KLHL32: variants seen among roughly 807,000 people sequenced by gnomAD.
KLHL32 encodes kelch-like protein 32.
Under a neutral mutation model 64.8 loss-of-function variants are expected in KLHL32, and 35 were observed. The ratio of observed to expected loss-of-function variants is 0.54; its 90% CI spans 0.41 to 0.72. The LOEUF is 0.72. Ranked by LOEUF, KLHL32 falls within the 30% of genes least tolerant of loss-of-function variation. The probability of loss-of-function intolerance (pLI) is 0.00; values close to 1 mark genes in which losing one functional copy is unlikely to be tolerated. For missense variants in KLHL32, 589 were observed against 768.5 expected, an observed-to-expected ratio of 0.77 and a Z score of 2.76; for synonymous variants, 259 against 281.0, an observed-to-expected ratio of 0.92 and a Z score of 0.78.
At chr6:97,043,836 T>C (rs1785502473) in intron 4 of KLHL32, among the ~76,000 whole-genome samples, 2 of 152,136 alleles carry the variant, frequency 1.3e-5, no homozygotes, top group Admixed American at 1.3e-4. Context: ...CTGTTGGCCA[T>C]CTGTATGTCT....
Position 97,132,665 on chromosome 6 carries a change from C to T in KLHL32, c.1619C>T (p.Ser540Phe), listed in dbSNP as rs1427201105. ...CTCTTTACTTTAGGCCAAAATGAAT[C>T]TGGAGTTGCTGTCCATAATGGGAGA... ...NFNLLTGQNESGVAVHNGRIY... is the reference protein window; with the variant it reads ...NFNLLTGQNEFGVAVHNGRIY... The change falls in exon 10 of 11, where the codon TCT becomes TTT. Residue 540 changes from serine to phenylalanine, a missense_variant. Coordinates refer to ENST00000369261, the MANE Select transcript of KLHL32 (RefSeq NM_052904.4). The T allele has an allele frequency of 6.2e-7, 1 of 1,608,664 alleles. No individual in the cohort carries two copies. Among genetic ancestry groups the T allele is most frequent in the East Asian group, 2.2e-5 (1 of 44,760 alleles).
At chr6:97,120,425 T>C (rs900003064) in intron 7 of KLHL32, among the ~76,000 whole-genome samples, 1 of 151,946 alleles carries the variant, frequency 6.6e-6, no homozygotes, top group Admixed American at 6.6e-5. Context: ...TAAAGAAAAA[T>C]AGGTGTTCAG....
chr6:97,139,447 T>G lies in KLHL32; in HGVS notation c.*165T>G. 1 of 613,988 alleles carries G rather than the reference T, an allele frequency of 1.6e-6. No homozygotes were observed. The highest frequency in any genetic ancestry group is 2.8e-5 in the East Asian group (1 of 35,194). 38.0% of individuals were successfully genotyped at this position (613,988 alleles called of 1,614,324 possible). ...TTTTCTAAAATACGTTATTGAAAAC[T>G]CGTCACCCTTCTCAGTGTATGTCAA... On this transcript the variant is annotated 3_prime_UTR_variant, in exon 11 of 11. Transcript: ENST00000369261.
At chr6:97,092,155 A>AT (rs560956270) in intron 6 of KLHL32, among the ~76,000 whole-genome samples, 15 of 151,968 alleles carry the variant, frequency 9.9e-5, no homozygotes, top group Middle Eastern at 3.4e-3. Context: ...CACCTGGCTA[A>AT]TTTTTTTGTA....
chr6:97,052,458 G>A (rs1787085182), intron 4 of KLHL32, among the ~76,000 whole-genome samples: 2 of 152,238 alleles, frequency 1.3e-5, no homozygotes, highest in African/African-American at 4.8e-5. Context: ...TTCTGACACA[G>A]AACATCAAAG....
intron 5 of KLHL32, among the ~76,000 whole-genome samples, chr6:97,084,730 A>G (rs1365970872): frequency 6.6e-6 from 1 of 152,192 alleles, no homozygotes; most frequent in Non-Finnish European, 1.5e-5. Context: ...ATGAATCGCC[A>G]TTTACCTGCC....
chr6:97,015,195 C>G (rs1256977383), intron 3 of KLHL32, among the ~76,000 whole-genome samples: 1 of 152,138 alleles, frequency 6.6e-6, no homozygotes, highest in Non-Finnish European at 1.5e-5. Flanking sequence ...ATCACCCAGT[C>G]TTGGGTATTT....
intron 1 of KLHL32, among the ~76,000 whole-genome samples, chr6:96,939,635 C>T (rs577410428): frequency 3.9e-5 from 6 of 152,240 alleles, no homozygotes; most frequent in African/African-American, 1.4e-4. Flanking sequence ...GGAGGAAACA[C>T]AGTGTCAACA....
chr6:97,104,047 C>T (rs537089021), intron 6 of KLHL32, among the ~76,000 whole-genome samples: 92 of 152,274 alleles, frequency 6.0e-4, no homozygotes, highest in African/African-American at 2.1e-3. Context: ...ACTGGCTTTC[C>T]AAAGATCAGC....
chr6:97,132,456 A>C lies in KLHL32; in HGVS notation c.1607-197A>C, dbSNP rs185839647. On this transcript the variant is annotated intron_variant, in intron 9 of 10. Coordinates refer to ENST00000369261, the MANE Select transcript of KLHL32 (RefSeq NM_052904.4). ...TAATAAGTGTTTTGGCCTGGTTCTG[A>C]CCTGACAGATTCATTCTCTGAGAAA... 2.2e-3 allele frequency among the ~76,000 whole-genome samples: 330 copies of C among 152,224 alleles called. 2 individuals are homozygous for C. Among genetic ancestry groups the C allele is most frequent in the African/African-American group, 7.6e-3 (317 of 41,526 alleles).
At chr6:97,027,249 A>G (rs760915785) in intron 3 of KLHL32, among the ~76,000 whole-genome samples, 3 of 152,046 alleles carry the variant, frequency 2.0e-5, no homozygotes, top group Non-Finnish European at 2.9e-5. Context: ...GTGTTTTAGT[A>G]CTTGTCTGCT....
the KLHL32 span, among the ~76,000 whole-genome samples, chr6:96,914,499 G>T: frequency 6.6e-6 from 1 of 151,998 alleles, no homozygotes; most frequent in African/African-American, 2.4e-5. Flanking sequence ...AATAGATTAT[G>T]CTTTGTCTAC....
chr6:97,106,330 T>C (rs1030636462), intron 6 of KLHL32, among the ~76,000 whole-genome samples: 2 of 152,236 alleles, frequency 1.3e-5, no homozygotes, highest in African/African-American at 4.8e-5. Flanking sequence ...TCATATATTC[T>C]ACTCTGTAGA....
intron 1 of KLHL32, among the ~76,000 whole-genome samples, chr6:96,954,012 T>C (rs1772956407): frequency 1.3e-5 from 2 of 152,174 alleles, no homozygotes; most frequent in African/African-American, 4.8e-5. Context: ...TTTGCCTGTT[T>C]TTAATAATTG....
At chr6:96,966,050 A>G (rs1774421923) in intron 1 of KLHL32, among the ~76,000 whole-genome samples, 1 of 152,206 alleles carries the variant, frequency 6.6e-6, no homozygotes, top group Non-Finnish European at 1.5e-5. Context: ...CAGATTGTAA[A>G]TCATAGCTCT....
chr6:97,035,846 G>T (rs1365432896), intron 3 of KLHL32, among the ~76,000 whole-genome samples: 1 of 152,048 alleles, frequency 6.6e-6, no homozygotes, highest in Non-Finnish European at 1.5e-5. Flanking sequence ...ATTCTTTGGG[G>T]TTAATCAATC....
the KLHL32 span, among the ~76,000 whole-genome samples, chr6:96,900,654 T>C: frequency 9.2e-5 from 14 of 152,186 alleles, no homozygotes; most frequent in African/African-American, 3.4e-4. Flanking sequence ...ACTTTTACCA[T>C]TGGGTACTCC....
intron 3 of KLHL32, among the ~76,000 whole-genome samples, chr6:96,986,900 C>T (rs1343730348): frequency 6.6e-6 from 1 of 152,182 alleles, no homozygotes; most frequent in Admixed American, 6.5e-5. Context: ...TCCTGACACT[C>T]CCCAGTGAGA....
chr6:96,962,513 G>A (rs1448967409), intron 1 of KLHL32, among the ~76,000 whole-genome samples: 1 of 152,174 alleles, frequency 6.6e-6, no homozygotes, highest in African/African-American at 2.4e-5. Flanking sequence ...GTCCTTGAAG[G>A]ATTGCTGCTA....
Sources: gnomAD v4.1 joint callset for allele counts (sites outside exome capture counted in the v4.1 genomes callset) on GRCh38, gnomAD v4.1.1 for gene constraint, MANE v1.5 for transcripts, NCBI Gene and HGNC (gene_info 2026-07-23, HGNC 2026-07-21) for gene names.